Variants in GREB1 observed in about 807,000 individuals in gnomAD.
GREB1 encodes protein GREB1.
Under a neutral mutation model 200.7 loss-of-function variants are expected in GREB1, and 106 were observed. That is an observed-to-expected ratio of 0.53 (90% confidence interval 0.45 to 0.62). The LOEUF (loss-of-function observed/expected upper bound fraction) is 0.62. Among genes scored for constraint, GREB1 ranks in the 20% least tolerant of loss-of-function variants. The probability of loss-of-function intolerance (pLI) is 0.00; values close to 1 mark genes in which losing one functional copy is unlikely to be tolerated. For missense variants in GREB1, 2,243 were observed against 2,556.8 expected, an observed-to-expected ratio of 0.88 and a Z score of 2.65; for synonymous variants, 1,132 against 1,092.4, an observed-to-expected ratio of 1.04 and a Z score of -0.72.
intron 1 of GREB1, among the ~76,000 whole-genome samples, chr2:11,510,331 A>T (rs1043947702): frequency 1.3e-5 from 2 of 152,234 alleles, no homozygotes; most frequent in African/African-American, 2.4e-5. Context: ...AGTAGTTTCA[A>T]TAACTATCAG....
Position 11,641,381 on chromosome 2 carries a change from T to G in GREB1, c.*927T>G, listed in dbSNP as rs1685794504. ...TGGTTCCTCAGGGAAGAATCTCACTTGACTAGAGAGGAGGTGGGAACAGAA... is the reference window on the plus strand; with the variant it reads ...TGGTTCCTCAGGGAAGAATCTCACTGGACTAGAGAGGAGGTGGGAACAGAA... On this transcript the variant is annotated 3_prime_UTR_variant, in exon 33 of 33. Coordinates refer to ENST00000381486, the MANE Select transcript of GREB1 (RefSeq NM_014668.4). 6.6e-6 allele frequency: 1 copy of G among 152,240 alleles called. No homozygotes were observed. Among genetic ancestry groups the G allele is most frequent in the Non-Finnish European group, 1.5e-5 (1 of 68,044 alleles). 9.4% of individuals were successfully genotyped at this position (152,240 alleles called of 1,614,324 possible).
intron 21 of GREB1, 79 bp from the exon 22 acceptor site, chr2:11,618,209 G>A: frequency 7.3e-7 from 1 of 1,367,224 alleles, no homozygotes; most frequent in Non-Finnish European, 9.8e-7. Flanking sequence ...TGACTCCTGG[G>A]ACAGGTCACT....
At chr2:11,627,164 G>C in intron 25 of GREB1, 60 bp downstream of exon 25, 2 of 1,429,914 alleles carry the variant, frequency 1.4e-6, no homozygotes, top group African/African-American at 1.4e-5. Flanking sequence ...CCGTTCCCCT[G>C]CTCTCTCACG....
Position 11,637,577 on chromosome 2 carries a change from T to G in GREB1, c.5347-139T>G. ...TAATCTTTCTCAATAGAGAAGTTTATTCTTGAAGTATGTGTTCTCAGTTCA... is the reference window on the plus strand; with the variant it reads ...TAATCTTTCTCAATAGAGAAGTTTAGTCTTGAAGTATGTGTTCTCAGTTCA... On this transcript the variant is annotated intron_variant, in intron 30 of 32. Transcript: ENST00000381486. The G allele has an allele frequency of 7.6e-6, 5 of 661,294 alleles. No individual in the cohort carries two copies. The Admixed American group carries it at 1.4e-4, about 19-fold the overall frequency. The allele number at this position is 661,294 out of a possible 1,614,324, so 41.0% of individuals were successfully genotyped here. A position where few individuals can be genotyped will look rare whatever the true frequency, so the allele number is the denominator to read the frequency against.
chr2:11,638,714 T>G lies in GREB1; in HGVS notation c.5591T>G (p.Ile1864Ser). The change falls in exon 32 of 33, where the codon ATC becomes AGC. Residue 1864 changes from isoleucine to serine, a missense_variant. Coordinates refer to ENST00000381486, the MANE Select transcript of GREB1 (RefSeq NM_014668.4). ...YVSSRPHSLN[I>S]SCSDLLFSGL... ...AGCTCCAGGCCCCACTCTTTAAACA[T>G]CAGCTGCTCGGACTTGCTGTTCAGT... The G allele has an allele frequency of 6.2e-7, 1 of 1,614,104 alleles. No individual in the cohort carries two copies. Among genetic ancestry groups the G allele is most frequent in the Non-Finnish European group, 8.5e-7 (1 of 1,179,930 alleles).
intron 27 of GREB1, among the ~76,000 whole-genome samples, chr2:11,632,594 C>T (rs546855711): frequency 1.3e-5 from 2 of 152,268 alleles, no homozygotes; most frequent in Admixed American, 6.5e-5. Context: ...TGCCTCGGCC[C>T]CCCAAACTGC....
intron 17 of GREB1, among the ~76,000 whole-genome samples, chr2:11,609,684 G>A (rs1682743524): frequency 6.6e-6 from 1 of 152,176 alleles, no homozygotes; most frequent in Admixed American, 6.5e-5. Context: ...AGTGGATGAA[G>A]TGCTGAAGGA....
chr2:11,573,255 T>A (rs1678497591), intron 4 of GREB1, among the ~76,000 whole-genome samples: 1 of 152,122 alleles, frequency 6.6e-6, no homozygotes, highest in Admixed American at 6.5e-5. Context: ...GTTAAACAAA[T>A]GCTACCTGCA....
intron 1 of GREB1, among the ~76,000 whole-genome samples, chr2:11,521,698 G>A (rs575140143): frequency 2.0e-5 from 3 of 152,282 alleles, no homozygotes; most frequent in African/African-American, 4.8e-5. Context: ...AACTCATTCC[G>A]ATTCAAAATA....
intron 1 of GREB1, among the ~76,000 whole-genome samples, chr2:11,511,224 A>G (rs556089611): frequency 4.1e-4 from 62 of 152,208 alleles, no homozygotes; most frequent in African/African-American, 1.4e-3. Flanking sequence ...CACTCTGTCC[A>G]TCATCCAGTA....
intron 1 of GREB1, among the ~76,000 whole-genome samples, chr2:11,507,160 G>A (rs1261496754): frequency 6.6e-6 from 1 of 152,196 alleles, no homozygotes; most frequent in African/African-American, 2.4e-5. Flanking sequence ...TGTAATCCCA[G>A]CACTCTGGGA....
chr2:11,495,016 G>A (rs577332347), intron 1 of GREB1, among the ~76,000 whole-genome samples: 3 of 152,288 alleles, frequency 2.0e-5, no homozygotes, highest in Non-Finnish European at 2.9e-5. Context: ...TGGTTGCTCT[G>A]TGTCATTCTG....
rs202021925 is a variant in GREB1 at position 11,618,871 on chromosome 2, C to T, written c.3996C>T (p.Arg1332=). Residue 1332 remains arginine, a synonymous_variant, in exon 22 of 33, where the codon CGC becomes CGT. Coordinates refer to ENST00000381486, the MANE Select transcript of GREB1 (RefSeq NM_014668.4). ...HMDYGNRAEG[R]VDGFHPRRLL... ...ACTACGGCAACCGGGCCGAGGGCCG[C>T]GTGGACGGCTTCCACCCCCGCAGGC... 7.6e-5 allele frequency: 120 copies of T among 1,575,036 alleles called. No individual in the cohort carries two copies. The East Asian group carries it at 1.2e-3, about 16-fold the overall frequency.
intron 1 of GREB1, among the ~76,000 whole-genome samples, chr2:11,486,112 C>A (rs984585589): frequency 8.5e-5 from 13 of 152,124 alleles, no homozygotes; most frequent in Non-Finnish European, 1.8e-4. Context: ...TTCGAGGGGG[C>A]AACTAACCAT....
In GREB1 at chr2:11,614,839, C is replaced by T. The variant is rs529601627; in HGVS notation, c.3123-252C>T. ...CGGCCTCCCAAAGTGCTGCAAGCCC[C>T]TTTTTTATCTGACCCAAAAGTTAGT... is the stretch of plus-strand genomic sequence containing the variant. On this transcript the variant is annotated intron_variant, in intron 19 of 32. Coordinates refer to ENST00000381486, the MANE Select transcript of GREB1 (RefSeq NM_014668.4). Among the ~76,000 whole-genome samples the T allele has an allele frequency of 2.6e-5, 4 of 152,134 alleles. No individual in the cohort carries two copies. The East Asian group carries it at 5.8e-4, about 22-fold the overall frequency.
chr2:11,623,361 A>C (rs1391736186), intron 23 of GREB1, among the ~76,000 whole-genome samples: 3 of 152,238 alleles, frequency 2.0e-5, no homozygotes, highest in African/African-American at 4.8e-5. Context: ...TATAGTATAC[A>C]CCTTCTACTT....
At position 11,633,571 on chromosome 2, in the gene GREB1, A is replaced by C. The variant is rs1030278457; in HGVS notation, c.4991+508A>C. ...AGAGCGAGACTCCGTCTAAAAAAAA[A>C]AAAAAGAAAGAAAAAAATTGTTATT... On this transcript the variant is annotated intron_variant, in intron 28 of 32. Coordinates refer to ENST00000381486, the MANE Select transcript of GREB1 (RefSeq NM_014668.4). This position sits in a 1 kb window ranked among gnomAD's most constrained non-coding sequence, Gnocchi z 4.1. Among the ~76,000 whole-genome samples, 2 of 152,144 alleles carry C rather than the reference A, an allele frequency of 1.3e-5. No individual in the cohort carries two copies. The highest frequency in any genetic ancestry group is 1.9e-4 in the East Asian group (1 of 5,178).
intron 1 of GREB1, among the ~76,000 whole-genome samples, chr2:11,503,553 T>G (rs1487409445): frequency 6.6e-6 from 1 of 152,220 alleles, no homozygotes; most frequent in Non-Finnish European, 1.5e-5. Flanking sequence ...TTACGTGGTA[T>G]GTGCACTTCC....
chr2:11,510,114 C>T (rs1028333273), intron 1 of GREB1, among the ~76,000 whole-genome samples: 9 of 152,214 alleles, frequency 5.9e-5, no homozygotes, highest in Admixed American at 3.3e-4. Flanking sequence ...CTTGGAATTC[C>T]CTACTTACTG....
Sources: allele counts gnomAD v4.1 joint callset (sites outside exome capture counted in the v4.1 genomes callset), GRCh38; gene constraint gnomAD v4.1.1; non-coding constraint Gnocchi (gnomAD v3.1); transcripts MANE v1.5; gene names NCBI Gene and HGNC (gene_info 2026-07-23, HGNC 2026-07-21).